The following ROBO2 variants were observed in gnomAD, a reference collection of about 807,000 sequenced individuals.
The protein encoded by ROBO2 is roundabout homolog 2.
Under a neutral mutation model 160.8 loss-of-function variants are expected in ROBO2, and 53 were observed. The ratio of observed to expected loss-of-function variants is 0.33; its 90% CI spans 0.26 to 0.41. ROBO2 has a LOEUF of 0.41. Ranked by LOEUF, ROBO2 falls within the 10% of genes least tolerant of loss-of-function variation. The pLI is 1.00. For synonymous variants in ROBO2, 664 were observed against 611.7 expected (o/e 1.09, Z -1.26); for missense variants, 1,577 against 1,722.4 (o/e 0.92, Z 1.49).
intron 2 of ROBO2, among the ~76,000 whole-genome samples, chr3:77,148,913 T>C (rs1284607903): frequency 6.6e-6 from 1 of 152,306 alleles, no homozygotes; most frequent in Non-Finnish European, 1.5e-5. Context: ...AAAAGAATGT[T>C]TGAGAAAGCT....
At chr3:76,602,554 A>G (rs2087239716) in intron 2 of ROBO2, among the ~76,000 whole-genome samples, 1 of 152,266 alleles carries the variant, frequency 6.6e-6, no homozygotes, top group African/African-American at 2.4e-5. Context: ...ATGCGAATCA[A>G]GTGAAAGGGG....
At chr3:77,054,165 G>T (rs1288675247) in intron 1 of ROBO2, among the ~76,000 whole-genome samples, 1 of 152,112 alleles carries the variant, frequency 6.6e-6, no homozygotes, top group African/African-American at 2.4e-5. Flanking sequence ...AGTTCAAGTA[G>T]TTCCTTTTTA....
chr3:76,555,403 AAG>A lies in ROBO2; in HGVS notation c.110-542609_110-542608del, dbSNP rs1227880211. 1.3e-3 allele frequency among the ~76,000 whole-genome samples: 92 copies of A among 71,818 alleles called. 1 individual carries two copies. Among genetic ancestry groups the A allele is most frequent in the African/African-American group, 2.5e-3 (85 of 34,168 alleles). 47.1% of individuals were successfully genotyped at this position (71,818 alleles called of 152,430 possible). Reference sequence around the variant, plus strand: ...GAAGAAGAAGAAGAAGAAGAAGAAGAAGAAGAAGAAGAAGAAAGAAGGAGAAG... The same window carrying A: ...GAAGAAGAAGAAGAAGAAGAAGAAGAAAGAAGAAGAAGAAAGAAGGAGAAG... On this transcript the variant is annotated intron_variant, in intron 2 of 26. Coordinates refer to the ROBO2 transcript ENST00000487694.
At chr3:77,332,276 C>G (rs1168732265) in intron 2 of ROBO2, among the ~76,000 whole-genome samples, 1 of 152,120 alleles carries the variant, frequency 6.6e-6, no homozygotes, top group Non-Finnish European at 1.5e-5. Context: ...TTTGTGACCA[C>G]CTTGTACTTA....
chr3:76,390,874 A>G (rs1467167127), intron 2 of ROBO2, among the ~76,000 whole-genome samples: 2 of 152,208 alleles, frequency 1.3e-5, no homozygotes, highest in Admixed American at 6.5e-5. Flanking sequence ...TCAGTATGAC[A>G]TTGAATGTGT....
At chr3:76,612,378 T>C (rs967383682) in intron 2 of ROBO2, among the ~76,000 whole-genome samples, 1 of 152,180 alleles carries the variant, frequency 6.6e-6, no homozygotes, top group Non-Finnish European at 1.5e-5. Flanking sequence ...TATTACTATA[T>C]CGGGGTCTAT....
At chr3:76,614,917 A>C (rs1254122228) in intron 2 of ROBO2, among the ~76,000 whole-genome samples, 1 of 152,140 alleles carries the variant, frequency 6.6e-6, no homozygotes, top group Non-Finnish European at 1.5e-5. Flanking sequence ...ATGCAAGTGA[A>C]AGCAAGATTC....
In ROBO2 at chr3:77,096,598, A is replaced by G. The variant is rs185324604; in HGVS notation, c.62-1416A>G. ...CGAGTAGCTGGGATTATAGGTGTCC[A>G]CCACCCTGCCTGGCAAAGTTTTTAC... On this transcript the variant is annotated intron_variant, in intron 1 of 25. Coordinates refer to ENST00000461745, the Ensembl canonical transcript of ROBO2. 1.1e-3 allele frequency among the ~76,000 whole-genome samples: 169 copies of G among 151,834 alleles called. 1 individual carries two copies. The highest frequency in any genetic ancestry group is 1.5e-4 in the Non-Finnish European group (10 of 67,936).
At chr3:77,506,501 C>T (rs943791457) in intron 5 of ROBO2, among the ~76,000 whole-genome samples, 6 of 152,074 alleles carry the variant, frequency 3.9e-5, no homozygotes, top group African/African-American at 1.2e-4. Flanking sequence ...CAGTGATTCT[C>T]ACGAGGGGCA....
intron 1 of ROBO2, among the ~76,000 whole-genome samples, chr3:77,058,946 T>A (rs1324683435): frequency 6.6e-5 from 10 of 152,206 alleles, no homozygotes; most frequent in Non-Finnish European, 1.3e-4. Context: ...TAGAATGTAT[T>A]TACTGAGCAT....
chr3:77,163,533 T>A (rs768766157), intron 2 of ROBO2, among the ~76,000 whole-genome samples: 1 of 152,238 alleles, frequency 6.6e-6, no homozygotes, highest in East Asian at 1.9e-4. Context: ...ATCACAGAGG[T>A]CAACTATAAT....
intron 1 of ROBO2, among the ~76,000 whole-genome samples, chr3:75,913,746 T>G (rs1946694786): frequency 6.6e-6 from 1 of 152,218 alleles, no homozygotes; most frequent in Non-Finnish European, 1.5e-5. Flanking sequence ...TGAAGCTTAG[T>G]TCTTGTTTAC....
intron 2 of ROBO2, among the ~76,000 whole-genome samples, chr3:76,066,407 TTAACC>T (rs1373069910): frequency 6.6e-6 from 1 of 152,094 alleles, no homozygotes; most frequent in Non-Finnish European, 1.5e-5. Flanking sequence ...TTTATATAAG[TTAACC>T]TCTTTAGTTG....
chr3:77,428,837 A>G (rs181281774), intron 2 of ROBO2, among the ~76,000 whole-genome samples: 6 of 152,326 alleles, frequency 3.9e-5, no homozygotes, highest in African/African-American at 9.6e-5. Context: ...GTATGTATCC[A>G]TGAAATCAAA....
rs151156650 is a variant in ROBO2, at chr3:76,717,213, G to T, written c.110-380801G>T. On this transcript the variant is annotated intron_variant, in intron 2 of 26. Coordinates refer to the ROBO2 transcript ENST00000487694. Reference sequence around the variant, plus strand: ...TAGCTTGAAGAAAAGCCCCACTATGGCTGGGCACGGTGGCTCACGCCTGTA... The same window carrying T: ...TAGCTTGAAGAAAAGCCCCACTATGTCTGGGCACGGTGGCTCACGCCTGTA... Among the ~76,000 whole-genome samples the T allele has an allele frequency of 5.9e-3, 888 of 151,208 alleles. 11 individuals are homozygous for T. Among genetic ancestry groups the T allele is most frequent in the African/African-American group, 0.02 (830 of 41,186 alleles).
intron 2 of ROBO2, among the ~76,000 whole-genome samples, chr3:76,338,634 C>G (rs1374063201): frequency 6.6e-6 from 1 of 151,710 alleles, no homozygotes; most frequent in East Asian, 1.9e-4. Context: ...TATGATTGCC[C>G]CAGTATGCCC....
intron 2 of ROBO2, among the ~76,000 whole-genome samples, chr3:77,231,192 A>G (rs9309761): frequency 0.39 from 58,943 of 151,334 alleles, 12,783 homozygotes; most frequent in Middle Eastern, 0.59. Context: ...GTGAAACTTC[A>G]TCTCTACAAA....
intron 2 of ROBO2, among the ~76,000 whole-genome samples, chr3:77,222,443 A>G (rs1027782570): frequency 6.6e-6 from 1 of 152,216 alleles, no homozygotes; most frequent in Non-Finnish European, 1.5e-5. Flanking sequence ...GAACTGAGTA[A>G]TAAGGAGATG....
intron 1 of ROBO2, among the ~76,000 whole-genome samples, chr3:77,059,734 C>G (rs1195022105): frequency 6.6e-6 from 1 of 152,118 alleles, no homozygotes; most frequent in Non-Finnish European, 1.5e-5. Context: ...AAAGTTTGGG[C>G]ATAAGCATCA....
Sources: gnomAD v4.1 joint callset for allele counts (sites outside exome capture counted in the v4.1 genomes callset) on GRCh38, gnomAD v4.1.1 for gene constraint, MANE v1.5 for transcripts, NCBI Gene and HGNC (gene_info 2026-07-23, HGNC 2026-07-21) for gene names.